The following RBM25 variants were observed in gnomAD, a reference collection of about 807,000 sequenced individuals.
RBM25 encodes the protein RNA-binding protein 25.
Under a neutral mutation model 120.7 loss-of-function variants are expected in RBM25, and 19 were observed. That is an observed-to-expected ratio of 0.16 (90% CI 0.11 to 0.23). The LOEUF is 0.23. Ranked by LOEUF, RBM25 falls within the 10% of genes least tolerant of loss-of-function variation. RBM25 has a pLI of 1.00. For synonymous variants in RBM25, 390 were observed against 326.7 expected, an observed-to-expected ratio of 1.19 and a Z score of -2.09; for missense variants, 605 against 1,041.5, an observed-to-expected ratio of 0.58 and a Z score of 5.77.
intron 6 of RBM25, among the ~76,000 whole-genome samples, chr14:73,091,644 G>A (rs543930984): frequency 5.9e-5 from 9 of 152,096 alleles, no homozygotes; most frequent in African/African-American, 1.9e-4. Flanking sequence ...GGCCGAGGTC[G>A]GAGGATCACC....
chr14:73,073,484 T>A (rs1218763675), intron 2 of RBM25, among the ~76,000 whole-genome samples: 1 of 152,188 alleles, frequency 6.6e-6, no homozygotes, highest in Non-Finnish European at 1.5e-5. Context: ...GTTCAGGAGT[T>A]AGAGACCAGT....
chr14:73,072,380 C>T (rs1895317064), intron 2 of RBM25, among the ~76,000 whole-genome samples: 1 of 151,888 alleles, frequency 6.6e-6, no homozygotes, highest in Non-Finnish European at 1.5e-5. Context: ...ACTCCCATAA[C>T]TGCTATTGCT....
In RBM25 at chr14:73,099,392, T is replaced by C. The variant is rs772656247; in HGVS notation, c.742T>C (p.Phe248Leu). The C allele has an allele frequency of 2.5e-6, 4 of 1,598,934 alleles. No individual in the cohort carries two copies. Among genetic ancestry groups the C allele is most frequent in the Non-Finnish European group, 1.7e-6 (2 of 1,176,912 alleles). ...KEKKEDIFRR[F>L]PVAPLIPYPL... is the part of the protein sequence containing the mutation. ...GATTTTTTCACAGATTTTCCGCAGA[T>C]TTCCAGTGGCCCCACTGATCCCTTA... Residue 248 changes from phenylalanine (F) to leucine (L), a missense_variant, in exon 8 of 19, where the codon TTT (phenylalanine) becomes CTT (leucine). This residue lies in a region of RBM25 where 465 missense variants were observed against 741.6 expected (regional missense o/e 0.63). Transcript: ENST00000261973.
In RBM25 at chr14:73,106,048, A is replaced by G. The variant is rs1320505233; in HGVS notation, c.1344A>G (p.Arg448=). ...CATACGAACGAAGAAAACTTGAAAGAAAACTCCGAGAGAAAGAAGCTGCTT... is the reference window on the plus strand; with the variant it reads ...CATACGAACGAAGAAAACTTGAAAGGAAACTCCGAGAGAAAGAAGCTGCTT... The part of the protein sequence containing the change: ...EDAYERRKLE[R]KLREKEAAYQ... Residue 448 remains arginine, a synonymous_variant, in exon 11 of 19, where the codon AGA becomes AGG. Transcript: ENST00000261973. 1.9e-6 allele frequency: 3 copies of G among 1,609,684 alleles called. No homozygotes were observed. The Admixed American group carries it at 5.1e-5, about 27-fold the overall frequency.
chr14:73,117,431 A>G (rs1477162380), intron 18 of RBM25, among the ~76,000 whole-genome samples: 1 of 151,594 alleles, frequency 6.6e-6, no homozygotes, highest in Non-Finnish European at 1.5e-5. Flanking sequence ...GGGTTTCACC[A>G]TGTTGGCCCG....
At chr14:73,081,201 A>G (rs1267935265) in intron 4 of RBM25, among the ~76,000 whole-genome samples, 12 of 148,614 alleles carry the variant, frequency 8.1e-5, no homozygotes, top group African/African-American at 3.1e-4. Context: ...GTGCAGTGGC[A>G]CGATCTCAGC....
chr14:73,075,462 G>T (rs1404706470), intron 2 of RBM25, among the ~76,000 whole-genome samples: 2 of 151,680 alleles, frequency 1.3e-5, no homozygotes, highest in Non-Finnish European at 2.9e-5. Flanking sequence ...CCCGGCCCAT[G>T]ATTTTTATTT....
chr14:73,070,497 A>T (rs541923651), intron 1 of RBM25, among the ~76,000 whole-genome samples: 1 of 151,750 alleles, frequency 6.6e-6, no homozygotes, highest in Non-Finnish European at 1.5e-5. Context: ...TGTTCTCTTT[A>T]TATTTGAATG....
chr14:73,074,302 C>T (rs1895361356), intron 2 of RBM25, among the ~76,000 whole-genome samples: 2 of 152,114 alleles, frequency 1.3e-5, no homozygotes, highest in Non-Finnish European at 2.9e-5. Flanking sequence ...TTAATGTGGC[C>T]TCTATCTCCT....
chr14:73,068,768 G>A, intron 1 of RBM25: 1 of 282,438 alleles, frequency 3.5e-6, no homozygotes, highest in Non-Finnish European at 7.0e-6. Flanking sequence ...TAGAGATGGG[G>A]TTTCACCATG....
At chr14:73,085,488 A>G (rs770729215) in intron 5 of RBM25, among the ~76,000 whole-genome samples, 4 of 149,038 alleles carry the variant, frequency 2.7e-5, no homozygotes, top group Non-Finnish European at 6.0e-5. Flanking sequence ...CTTGTTGCCC[A>G]GACTGGAGTG....
chr14:73,087,929 T>A, intron 5 of RBM25, 72 bp from the exon 6 acceptor site: 1 of 1,474,068 alleles, frequency 6.8e-7, no homozygotes, highest in South Asian at 1.3e-5. Flanking sequence ...CTCTAGTGAT[T>A]CTACTTTTCC....
chr14:73,105,437 C>T (rs1232139528), intron 10 of RBM25, among the ~76,000 whole-genome samples: 2 of 152,168 alleles, frequency 1.3e-5, no homozygotes, highest in East Asian at 3.8e-4. Context: ...GCACTTACTC[C>T]TTGATCTCTA....
intron 6 of RBM25, chr14:73,088,431 C>A: frequency 1.8e-6 from 1 of 560,172 alleles, no homozygotes; most frequent in Non-Finnish European, 3.4e-6. Flanking sequence ...AGCACTGGTA[C>A]AGACTATTCC....
At chr14:73,103,742 TG>T (rs879850430) in intron 10 of RBM25, among the ~76,000 whole-genome samples, 7 of 151,964 alleles carry the variant, frequency 4.6e-5, no homozygotes, top group Admixed American at 3.9e-4. Flanking sequence ...TTGGTAGAGA[TG>T]GGGTTTTGCC....
chr14:73,060,124 C>T (rs1220011891), intron 1 of RBM25, among the ~76,000 whole-genome samples: 4 of 151,876 alleles, frequency 2.6e-5, no homozygotes, highest in Admixed American at 6.6e-5. Flanking sequence ...CTGCAACCTC[C>T]GCCTCCCAGG....
At chr14:73,095,400 C>A (rs1009408148) in intron 6 of RBM25, among the ~76,000 whole-genome samples, 1 of 151,428 alleles carries the variant, frequency 6.6e-6, no homozygotes, top group African/African-American at 2.4e-5. Flanking sequence ...GTCAGGAGAT[C>A]GAGACCATCC....
chr14:73,094,835 G>GTGTGTGTGTGTGTGTC, intron 6 of RBM25, among the ~76,000 whole-genome samples: 1 of 122,894 alleles, frequency 8.1e-6, no homozygotes, highest in Non-Finnish European at 2.0e-5. Context: ...GTGTGTGTGT[G>GTGTGTGTGTGTGTGTC]TGTGTGTCTG....
At chr14:73,074,387 G>C (rs1164622481) in intron 2 of RBM25, among the ~76,000 whole-genome samples, 2 of 151,948 alleles carry the variant, frequency 1.3e-5, no homozygotes, top group East Asian at 1.9e-4. Context: ...GACTGACTCA[G>C]ATCCGTTTTT....
Sources: allele counts gnomAD v4.1 joint callset (sites outside exome capture counted in the v4.1 genomes callset), GRCh38; gene constraint gnomAD v4.1.1; regional missense constraint gnomAD v4.1.1; transcripts MANE v1.5; gene names NCBI Gene and HGNC (gene_info 2026-07-23, HGNC 2026-07-21).